The following BMP6 variants were observed in gnomAD, a reference collection of about 807,000 sequenced individuals.
The protein encoded by BMP6 is VG-1-R.
Under a neutral mutation model 54.1 loss-of-function variants are expected in BMP6, and 17 were observed. The observed-to-expected ratio is 0.31, with a 90% CI of 0.22 to 0.47. BMP6 has a LOEUF of 0.47. BMP6 is among the 20% of genes least tolerant of loss of function. BMP6 has a pLI of 1.00. For synonymous variants in BMP6, 328 were observed against 291.2 expected, an observed-to-expected ratio of 1.13 and a Z score of -1.28; for missense variants, 720 against 690.4, an observed-to-expected ratio of 1.04 and a Z score of -0.48.
At chr6:7,763,801 G>T (rs1225947755) in intron 1 of BMP6, among the ~76,000 whole-genome samples, 1 of 152,182 alleles carries the variant, frequency 6.6e-6, no homozygotes, top group Admixed American at 6.5e-5. Flanking sequence ...AGAATGTGGA[G>T]CAAATAATAC....
rs576467773 is a variant in BMP6 at position 7,784,702 on chromosome 6, G to A, written c.664+57083G>A. Among the ~76,000 whole-genome samples, 6 of 152,296 alleles carry A rather than the reference G, an allele frequency of 3.9e-5. No individual in the cohort carries two copies. In the East Asian group the frequency reaches 1.2e-3, roughly 29 times the overall value. On this transcript the variant is annotated intron_variant, in intron 1 of 6. Transcript: ENST00000283147. ...AAGGGGGAAGATCAAACACAAAAGA[G>A]AAGGAAGTGTAGTAAGTTGATCTTG... is the stretch of plus-strand genomic sequence containing the variant.
chr6:7,753,735 T>A (rs572077465), intron 1 of BMP6, among the ~76,000 whole-genome samples: 1 of 152,390 alleles, frequency 6.6e-6, no homozygotes, highest in South Asian at 2.1e-4. Context: ...CTTTTCTAAA[T>A]AAGCATTAAA....
intron 1 of BMP6, among the ~76,000 whole-genome samples, chr6:7,807,664 G>A (rs1308937033): frequency 1.3e-5 from 2 of 152,142 alleles, no homozygotes; most frequent in Non-Finnish European, 2.9e-5. Context: ...AGCAATTTGT[G>A]TTTCTACTGG....
chr6:7,865,351 G>A (rs900148194), intron 4 of BMP6, among the ~76,000 whole-genome samples: 5 of 152,066 alleles, frequency 3.3e-5, no homozygotes, highest in Non-Finnish European at 7.4e-5. Context: ...GGGTTCATAC[G>A]AAATCTCTCC....
At chr6:7,764,119 G>T (rs1430827662) in intron 1 of BMP6, among the ~76,000 whole-genome samples, 1 of 152,198 alleles carries the variant, frequency 6.6e-6, no homozygotes, top group South Asian at 2.1e-4. Flanking sequence ...GCAGGGCCGG[G>T]ACCATGTGTC....
chr6:7,830,759 A>G (rs1378380053), intron 1 of BMP6, among the ~76,000 whole-genome samples: 1 of 152,154 alleles, frequency 6.6e-6, no homozygotes, highest in Admixed American at 6.5e-5. Context: ...CCCTTTATGA[A>G]ATCATCAGAT....
At chr6:7,804,891 T>G (rs1581254780) in intron 1 of BMP6, among the ~76,000 whole-genome samples, 1 of 27,064 alleles carries the variant, frequency 3.7e-5, no homozygotes, top group Non-Finnish European at 7.4e-5. Context: ...CTACAACTGA[T>G]TTTTTTTTTT....
At chr6:7,760,062 CT>C (rs10587005) in intron 1 of BMP6, among the ~76,000 whole-genome samples, 31,503 of 114,214 alleles carry the variant, frequency 0.28, 4,272 homozygotes, top group African/African-American at 0.4. Context: ...TATTTTTCAA[CT>C]TTTTTTTTTT....
chr6:7,819,559 G>A (rs1207509306), intron 1 of BMP6, among the ~76,000 whole-genome samples: 3 of 152,164 alleles, frequency 2.0e-5, no homozygotes, highest in Admixed American at 6.5e-5. Flanking sequence ...GGAAGAAAGG[G>A]AAGGGGAAAA....
chr6:7,759,628 A>G (rs547720541), intron 1 of BMP6, among the ~76,000 whole-genome samples: 5 of 152,096 alleles, frequency 3.3e-5, no homozygotes, highest in African/African-American at 1.2e-4. Flanking sequence ...TCAGATTTTA[A>G]AAGCTTGAGT....
intron 1 of BMP6, among the ~76,000 whole-genome samples, chr6:7,756,581 T>A (rs897765462): frequency 1.6e-4 from 25 of 152,254 alleles, no homozygotes; most frequent in African/African-American, 5.8e-4. Flanking sequence ...TGTGCTGGAT[T>A]TTGTTATATT....
intron 1 of BMP6, among the ~76,000 whole-genome samples, chr6:7,832,129 G>T (rs117080558): frequency 2.6e-5 from 4 of 152,098 alleles, no homozygotes; most frequent in Non-Finnish European, 4.4e-5. Flanking sequence ...AGAGTTGAGG[G>T]TACTAAAACT....
chr6:7,808,892 C>T (rs1190474483), intron 1 of BMP6, among the ~76,000 whole-genome samples: 1 of 116,814 alleles, frequency 8.6e-6, no homozygotes, highest in Admixed American at 1.1e-4. Context: ...CCAGCCTGGG[C>T]AACAGAACAA....
At chr6:7,775,765 T>G (rs1400239409) in intron 1 of BMP6, among the ~76,000 whole-genome samples, 1 of 152,220 alleles carries the variant, frequency 6.6e-6, no homozygotes, top group Non-Finnish European at 1.5e-5. Context: ...TCTTCTTGAT[T>G]GTTGGAGATA....
At chr6:7,767,822 TG>T (rs1419902005) in intron 1 of BMP6, among the ~76,000 whole-genome samples, 1 of 152,200 alleles carries the variant, frequency 6.6e-6, no homozygotes, top group Non-Finnish European at 1.5e-5. Context: ...TGTTGAGAGC[TG>T]GACATGATAT....
Position 7,879,154 on chromosome 6 carries a change from A to C in BMP6, c.1281+4A>C, listed in dbSNP as rs1759669403. The C allele has an allele frequency of 6.2e-7, 1 of 1,612,378 alleles. No individual in the cohort carries two copies. The highest frequency in any genetic ancestry group is 1.1e-5 in the South Asian group (1 of 91,040). ...TTTCCAAGACCTGGGATGGCAGGTG[A>C]GTTCTCTGGACACGGGGGATAAAGG... On this transcript the variant is annotated splice_donor_region_variant and intron_variant, in intron 5 of 6. Transcript: ENST00000283147.
chr6:7,808,345 GA>G (rs1455010490), intron 1 of BMP6, among the ~76,000 whole-genome samples: 3 of 152,190 alleles, frequency 2.0e-5, no homozygotes, highest in Non-Finnish European at 4.4e-5. Flanking sequence ...GGTGGATGAG[GA>G]AGTATTTCTG....
At chr6:7,776,195 A>G (rs1037395269) in intron 1 of BMP6, among the ~76,000 whole-genome samples, 1 of 152,228 alleles carries the variant, frequency 6.6e-6, no homozygotes, top group Non-Finnish European at 1.5e-5. Context: ...GAGTTAAAGA[A>G]TTTAGTCACT....
At chr6:7,855,261 A>G (rs568596083) in intron 2 of BMP6, among the ~76,000 whole-genome samples, 1 of 152,318 alleles carries the variant, frequency 6.6e-6, no homozygotes, top group African/African-American at 2.4e-5. Context: ...TCCTTGGCTC[A>G]CAAAGTATGG....
Sources: allele counts gnomAD v4.1 joint callset (sites outside exome capture counted in the v4.1 genomes callset), GRCh38; gene constraint gnomAD v4.1.1; transcripts MANE v1.5; gene names NCBI Gene and HGNC (gene_info 2026-07-23, HGNC 2026-07-21).